The following RACGAP1 variants were observed in gnomAD, a reference collection of about 807,000 sequenced individuals.
RACGAP1 encodes the protein rac GTPase-activating protein 1.
Under a neutral mutation model 78.1 loss-of-function variants are expected in RACGAP1, and 30 were observed. The observed-to-expected ratio is 0.38, with a 90% CI of 0.29 to 0.52. RACGAP1 has a LOEUF of 0.52. RACGAP1 is among the 20% of genes least tolerant of loss of function. The pLI is 0.82. For synonymous variants in RACGAP1, 231 were observed against 264.8 expected (o/e 0.87, Z 1.24); for missense variants, 587 against 777.1 (o/e 0.76, Z 2.91).
upstream of RACGAP1, among the ~76,000 whole-genome samples, chr12:50,029,343 G>A (rs1325314243): frequency 1.3e-5 from 2 of 151,902 alleles, no homozygotes; most frequent in African/African-American, 4.8e-5. Flanking sequence ...CTGAGATCGC[G>A]CCACTGCACA....
At chr12:50,021,229 C>T in intron 1 of RACGAP1, 2 of 630,784 alleles carry the variant, frequency 3.2e-6, no homozygotes, top group Non-Finnish European at 3.9e-6. Context: ...ATTGCTTTTG[C>T]AGCTGTAAAA....
rs183459822 is a variant in RACGAP1, at chr12:49,991,986, C to T, written c.1714+12G>A. The stretch of plus-strand genomic sequence containing the variant: ...GAGTCAAGTCCCTGAAGAAGCACAT[C>T]TTGGGCCTTACCTTTAATATCTGGT... On this transcript the variant is annotated intron_variant, in intron 15 of 16. Transcript: ENST00000312377. 1 of 1,613,328 alleles carries T rather than the reference C, an allele frequency of 6.2e-7. No individual in the cohort carries two copies. The highest frequency in any genetic ancestry group is 8.5e-7 in the Non-Finnish European group (1 of 1,179,958).
In RACGAP1 at chr12:49,994,523, A is replaced by C; in HGVS notation, c.1045-14T>G. 1.2e-6 allele frequency: 2 copies of C among 1,607,786 alleles called. No individual in the cohort carries two copies. Among genetic ancestry groups the C allele is most frequent in the East Asian group, 4.5e-5 (2 of 44,864 alleles). ...TGCCAGCATTCCCTGGAAAAAAAAAAGAGCTTTAAATTATTATTTACGCCA... is the reference window on the plus strand; with the variant it reads ...TGCCAGCATTCCCTGGAAAAAAAAACGAGCTTTAAATTATTATTTACGCCA... On this transcript the variant is annotated splice_polypyrimidine_tract_variant and intron_variant, in intron 10 of 16. Coordinates refer to ENST00000312377, the MANE Select transcript of RACGAP1 (RefSeq NM_001319999.2).
At chr12:50,013,099 T>C (rs1285650881) in intron 2 of RACGAP1, among the ~76,000 whole-genome samples, 1 of 152,108 alleles carries the variant, frequency 6.6e-6, no homozygotes, top group Non-Finnish European at 1.5e-5. Context: ...AAAGCCAACA[T>C]TCCAAATTAG....
intron 1 of RACGAP1, among the ~76,000 whole-genome samples, chr12:50,024,028 A>G (rs1241524817): frequency 6.6e-6 from 1 of 151,816 alleles, no homozygotes; most frequent in Non-Finnish European, 1.5e-5. Context: ...GGGCGTGGTG[A>G]CGGGCCCCTA....
chr12:49,996,233 G>C (rs549469995), intron 10 of RACGAP1, among the ~76,000 whole-genome samples: 4 of 152,136 alleles, frequency 2.6e-5, no homozygotes, highest in African/African-American at 9.6e-5. Flanking sequence ...AGAATCACTT[G>C]AGCCCAGGAG....
upstream of RACGAP1, among the ~76,000 whole-genome samples, chr12:50,025,808 T>C (rs886178502): frequency 6.6e-6 from 1 of 152,194 alleles, no homozygotes; most frequent in Non-Finnish European, 1.5e-5. Flanking sequence ...AACTGAACAA[T>C]GTCAGCTCTC....
chr12:50,016,585 T>G, intron 2 of RACGAP1, 46 bp downstream of exon 2: 1 of 1,562,526 alleles, frequency 6.4e-7, no homozygotes, highest in Non-Finnish European at 8.8e-7. Flanking sequence ...AATCCCAAAT[T>G]TGAAATCTGT....
chr12:50,026,288 G>A (rs1263143738), upstream of RACGAP1, among the ~76,000 whole-genome samples: 1 of 151,824 alleles, frequency 6.6e-6, no homozygotes, highest in Non-Finnish European at 1.5e-5. Flanking sequence ...ACTGGCTGGA[G>A]CATACAAGAA....
At chr12:50,023,688 G>A (rs973016495) in intron 1 of RACGAP1, among the ~76,000 whole-genome samples, 1 of 151,758 alleles carries the variant, frequency 6.6e-6, no homozygotes, top group Non-Finnish European at 1.5e-5. Flanking sequence ...AGCCAAGATC[G>A]CACCACTGCA....
rs1233455350 is a variant in RACGAP1 at position 50,003,101 on chromosome 12, G to A, written c.496-801C>T. Among the ~76,000 whole-genome samples, 3 of 149,980 alleles carry A rather than the reference G, an allele frequency of 2.0e-5. No homozygotes were observed. The East Asian group carries it at 5.8e-4, about 29-fold the overall frequency. ...CGTGTCCACCACTGAAGAACTATTT[G>A]TCTTTTATTGTGGTCTCATTTCAAT... On this transcript the variant is annotated intron_variant, in intron 5 of 16. Transcript: ENST00000312377.
At chr12:50,014,025 T>C (rs936251347) in intron 2 of RACGAP1, among the ~76,000 whole-genome samples, 1 of 152,190 alleles carries the variant, frequency 6.6e-6, no homozygotes, top group Non-Finnish European at 1.5e-5. Flanking sequence ...CAGCAGCTAT[T>C]AGAGAGAGAA....
chr12:49,989,265 G>A lies in RACGAP1; in HGVS notation c.*1003C>T, dbSNP rs963390759. The A allele has an allele frequency of 1.1e-4, 17 of 152,120 alleles. No homozygotes were observed. The highest frequency in any genetic ancestry group is 3.1e-4 in the African/African-American group (13 of 41,426). 9.4% of individuals were successfully genotyped at this position (152,120 alleles called of 1,614,324 possible). Reference sequence around the variant, plus strand: ...GTCAAACATTCTACAGAAGAAAATCGTTTTTACAGACATTAAGAATAATTT... The same window carrying A: ...GTCAAACATTCTACAGAAGAAAATCATTTTTACAGACATTAAGAATAATTT... On this transcript the variant is annotated 3_prime_UTR_variant, in exon 17 of 17. Transcript: ENST00000312377.
chr12:49,991,481 T>TATATATATATATATA (rs1592124066), intron 15 of RACGAP1, among the ~76,000 whole-genome samples: 29 of 9,124 alleles, frequency 3.2e-3, no homozygotes, highest in Non-Finnish European at 6.0e-3. Flanking sequence ...ATATATATAT[T>TATATATATATATATA]TTTTTTTTTT....
chr12:49,998,921 A>G (rs137918071), intron 9 of RACGAP1, among the ~76,000 whole-genome samples: 334 of 152,196 alleles, frequency 2.2e-3, no homozygotes, highest in Non-Finnish European at 3.9e-3. Context: ...AAAAGTACTA[A>G]CAATTGCTTC....
At chr12:50,028,136 A>C (rs566941103), upstream of RACGAP1, among the ~76,000 whole-genome samples, 1 of 152,314 alleles carries the variant, frequency 6.6e-6, no homozygotes, top group African/African-American at 2.4e-5. Flanking sequence ...GAAAGGGAAA[A>C]ATGTAAAGGT....
chr12:49,994,084 C>G (rs1948087206), intron 12 of RACGAP1, 47 bp downstream of exon 12: 2 of 1,479,514 alleles, frequency 1.4e-6, no homozygotes, highest in South Asian at 2.5e-5. Context: ...GTAAGAAAAA[C>G]TACTGCCGTG....
At chr12:49,993,399 G>C (rs1378320165) in intron 12 of RACGAP1, among the ~76,000 whole-genome samples, 4 of 152,092 alleles carry the variant, frequency 2.6e-5, no homozygotes, top group African/African-American at 4.8e-5. Flanking sequence ...AAAGCAAGAG[G>C]ATAGGCAAGG....
rs139606558 is a variant in RACGAP1 at position 49,994,850 on chromosome 12, C to T, written c.1045-341G>A. Among the ~76,000 whole-genome samples the T allele has an allele frequency of 1.9e-4, 29 of 152,180 alleles. No homozygotes were observed. The East Asian group carries it at 4.4e-3, about 23-fold the overall frequency. ...GCAATAATGAGGTTACAGGTATAGC[C>T]TTTAATATAAAATAATTTATTACTC... On this transcript the variant is annotated intron_variant, in intron 10 of 16. Coordinates refer to ENST00000312377, the MANE Select transcript of RACGAP1 (RefSeq NM_001319999.2).
Sources: gnomAD v4.1 joint callset for allele counts (sites outside exome capture counted in the v4.1 genomes callset) on GRCh38, gnomAD v4.1.1 for gene constraint, MANE v1.5 for transcripts, NCBI Gene and HGNC (gene_info 2026-07-23, HGNC 2026-07-21) for gene names.